BBS4: variants seen among roughly 807,000 people sequenced by gnomAD.
BBS4 encodes the protein Bardet-Biedl syndrome 4, also known as BBSome complex member BBS4.
BBS4 carries 58 observed loss-of-function variants against 71.4 expected under a neutral mutation model. The ratio of observed to expected loss-of-function variants is 0.81; its 90% CI spans 0.66 to 1.01. The LOEUF is 1.01. Among genes scored for constraint, BBS4 ranks in the 50% least tolerant of loss-of-function variants. The pLI is 0.00. For synonymous variants in BBS4, 228 were observed against 216.8 expected, an observed-to-expected ratio of 1.05 and a Z score of -0.46; for missense variants, 660 against 607.9, an observed-to-expected ratio of 1.09 and a Z score of -0.90.
intron 3 of BBS4, among the ~76,000 whole-genome samples, chr15:72,712,016 C>T (rs1458077423): frequency 6.6e-6 from 1 of 152,038 alleles, no homozygotes; most frequent in African/African-American, 2.4e-5. Context: ...TACAGACACG[C>T]ACCACTACTG....
intron 2 of BBS4, among the ~76,000 whole-genome samples, chr15:72,696,871 A>C (rs1187801068): frequency 6.6e-6 from 1 of 152,102 alleles, no homozygotes; most frequent in Non-Finnish European, 1.5e-5. Flanking sequence ...CATTACAGGC[A>C]TGAGCTATTG....
At chr15:72,691,453 G>A (rs962465010) in intron 1 of BBS4, among the ~76,000 whole-genome samples, 64 of 151,974 alleles carry the variant, frequency 4.2e-4, no homozygotes, top group African/African-American at 1.5e-3. Context: ...ATCAGATGTA[G>A]TGTTTCTTCA....
At chr15:72,732,447 A>C (rs1441463392) in intron 12 of BBS4, among the ~76,000 whole-genome samples, 1 of 152,210 alleles carries the variant, frequency 6.6e-6, no homozygotes, top group East Asian at 1.9e-4. Context: ...TAGTCTTTCT[A>C]GGAATTTTTT....
At chr15:72,735,565 C>T (rs2065905053) in intron 13 of BBS4, 1 of 563,828 alleles carries the variant, frequency 1.8e-6, no homozygotes. Flanking sequence ...GGGTAGAGAT[C>T]CCTTTTTCAA....
Position 72,709,741 on chromosome 15 carries a change from C to G in BBS4, c.118C>G (p.His40Asp). 1 of 1,613,742 alleles carries G rather than the reference C, an allele frequency of 6.2e-7. No homozygotes were observed. Among genetic ancestry groups the G allele is most frequent in the Non-Finnish European group, 8.5e-7 (1 of 1,179,848 alleles). ...TTTGGAGAAGCAGAACTGGTTGATT[C>G]ATCTTCATTATATCCGGAAAGATTA... The part of the protein sequence containing the change: ...PILEKQNWLI[H>D]LHYIRKDYEA... The change falls in exon 3 of 16, where the codon CAT becomes GAT. Residue 40 changes from histidine (H) to aspartate (D), a missense_variant. Transcript: ENST00000268057.
At chr15:72,708,910 C>G (rs1278765421) in intron 2 of BBS4, among the ~76,000 whole-genome samples, 2 of 152,170 alleles carry the variant, frequency 1.3e-5, no homozygotes, top group Non-Finnish European at 2.9e-5. Flanking sequence ...CTCTCAAACC[C>G]TGTTTTCTGT....
intron 2 of BBS4, among the ~76,000 whole-genome samples, chr15:72,706,682 C>G (rs933743607): frequency 3.9e-5 from 6 of 152,134 alleles, no homozygotes; most frequent in African/African-American, 1.4e-4. Context: ...TGTGTGTAGT[C>G]AGAAAATGAA....
chr15:72,728,084 AT>A, intron 9 of BBS4, 90 bp downstream of exon 9: 1 of 891,702 alleles, frequency 1.1e-6, no homozygotes, highest in Non-Finnish European at 1.9e-6. Flanking sequence ...TCTGATATTT[AT>A]TTTATTAAAG....
intron 2 of BBS4, among the ~76,000 whole-genome samples, chr15:72,702,633 T>G (rs942784849): frequency 2.0e-5 from 3 of 151,898 alleles, no homozygotes; most frequent in Admixed American, 2.0e-4. Context: ...TAGGCCAGCT[T>G]CTAGCATGTA....
chr15:72,735,812 C>G lies in BBS4; in HGVS notation c.1107-13C>G, dbSNP rs189571241. The stretch of plus-strand genomic sequence containing the variant: ...CAGAGCCCCCAGCTCCATAGAATCT[C>G]TGTCTGCCACAGGTGTAACCCTTTA... On this transcript the variant is annotated splice_polypyrimidine_tract_variant and intron_variant, in intron 13 of 15. Coordinates refer to ENST00000268057, the MANE Select transcript of BBS4 (RefSeq NM_033028.5). 2.2e-5 allele frequency: 35 copies of G among 1,614,128 alleles called. No individual in the cohort carries two copies. Among genetic ancestry groups the G allele is most frequent in the Non-Finnish European group, 2.8e-5 (33 of 1,179,990 alleles).
intron 2 of BBS4, among the ~76,000 whole-genome samples, chr15:72,697,780 A>C (rs1201527333): frequency 6.6e-6 from 1 of 152,160 alleles, no homozygotes; most frequent in Non-Finnish European, 1.5e-5. Flanking sequence ...ATATTCTCTC[A>C]AAGTTTGACT....
Position 72,712,300 on chromosome 15 carries a change from T to C in BBS4, c.213T>C (p.Tyr71=). 6.2e-7 allele frequency: 1 copy of C among 1,613,674 alleles called. No homozygotes were observed. Among genetic ancestry groups the C allele is most frequent in the Non-Finnish European group, 8.5e-7 (1 of 1,179,552 alleles). ...AGGGATTGTGTGAATATGCTATCTA[T>C]GTCCAAGGTAAGACACATACTTCTT... ...ETQGLCEYAI[Y]VQALIFRLEG... The change falls in exon 4 of 16, where the codon TAT becomes TAC. Residue 71 remains tyrosine (Y), a synonymous_variant. Coordinates refer to ENST00000268057, the MANE Select transcript of BBS4 (RefSeq NM_033028.5).
At chr15:72,732,522 G>A (rs2065845268) in intron 12 of BBS4, among the ~76,000 whole-genome samples, 1 of 152,080 alleles carries the variant, frequency 6.6e-6, no homozygotes, top group East Asian at 1.9e-4. Context: ...TCATTTGGCA[G>A]TCGTCTTCCA....
rs34214646 is a variant in BBS4 at position 72,719,263 on chromosome 15, AT to A, written c.405+2430del. Reference sequence around the variant, plus strand: ...ATGCTAGCAGTTTTTTACTTTCTAAATTTTTTTTTTTTTTTTTAAGAGACAA... The same window carrying A: ...ATGCTAGCAGTTTTTTACTTTCTAAATTTTTTTTTTTTTTTTAAGAGACAA... On this transcript the variant is annotated intron_variant, in intron 6 of 15. Transcript: ENST00000268057. Among the ~76,000 whole-genome samples, 836 of 140,884 alleles carry A rather than the reference AT, an allele frequency of 5.9e-3. 3 individuals carry two copies. Among genetic ancestry groups the A allele is most frequent in the African/African-American group, 0.016 (617 of 38,082 alleles). 92.4% of individuals were successfully genotyped at this position (140,884 alleles called of 152,430 possible).
chr15:72,725,528 G>A (rs1457496159), intron 8 of BBS4, among the ~76,000 whole-genome samples: 1 of 152,088 alleles, frequency 6.6e-6, no homozygotes, highest in Non-Finnish European at 1.5e-5. Context: ...TGCCATTTTG[G>A]TATCATATGT....
chr15:72,702,322 T>C (rs1327339372), intron 2 of BBS4, among the ~76,000 whole-genome samples: 1 of 152,164 alleles, frequency 6.6e-6, no homozygotes, highest in Non-Finnish European at 1.5e-5. Flanking sequence ...ATGTGGACAA[T>C]TTACTTAACC....
At chr15:72,693,603 T>C (rs931683676) in intron 1 of BBS4, among the ~76,000 whole-genome samples, 5 of 152,234 alleles carry the variant, frequency 3.3e-5, no homozygotes, top group Admixed American at 2.6e-4. Flanking sequence ...ATTTTGTTTA[T>C]AGACACTGAA....
At chr15:72,701,579 G>GCACA (rs148977231) in intron 2 of BBS4, among the ~76,000 whole-genome samples, 4 of 151,586 alleles carry the variant, frequency 2.6e-5, no homozygotes, top group Non-Finnish European at 2.9e-5. Context: ...GTGTACAAAC[G>GCACA]CACACACACA....
chr15:72,717,068 A>T, intron 6 of BBS4: 1 of 564,254 alleles, frequency 1.8e-6, no homozygotes, highest in South Asian at 2.1e-5. Context: ...GCTGACGAGC[A>T]GTCTCTTACC....
Sources: gnomAD v4.1 joint callset for allele counts (sites outside exome capture counted in the v4.1 genomes callset) on GRCh38, gnomAD v4.1.1 for gene constraint, MANE v1.5 for transcripts, NCBI Gene and HGNC (gene_info 2026-07-23, HGNC 2026-07-21) for gene names.